The following CLIP4 variants were observed in gnomAD, a reference collection of about 807,000 sequenced individuals.
The protein encoded by CLIP4 is CAP-Gly domain containing linker protein family member 4.
A neutral mutation model predicts 73.1 loss-of-function variants in CLIP4; 47 were observed. That is an observed-to-expected ratio of 0.64 (90% CI 0.51 to 0.82). The LOEUF (loss-of-function observed/expected upper bound fraction) is 0.82. Among genes scored for constraint, CLIP4 ranks in the 40% least tolerant of loss-of-function variants. CLIP4 has a pLI of 0.00. For synonymous variants in CLIP4, 306 were observed against 295.4 expected (o/e 1.04, Z -0.37); for missense variants, 874 against 852.9 (o/e 1.02, Z -0.31).
intron 7 of CLIP4, among the ~76,000 whole-genome samples, chr2:29,144,905 C>G (rs527886213): frequency 3.4e-4 from 50 of 147,836 alleles, no homozygotes; most frequent in African/African-American, 1.2e-3. Flanking sequence ...TGGGCTCAAG[C>G]AACCCTCCTG....
At chr2:29,148,669 A>G (rs561510344) in intron 8 of CLIP4, among the ~76,000 whole-genome samples, 1 of 152,284 alleles carries the variant, frequency 6.6e-6, no homozygotes, top group African/African-American at 2.4e-5. Context: ...TTTGTAACTA[A>G]TATATTTACG....
intron 6 of CLIP4, 132 bp downstream of exon 6, chr2:29,135,798 A>G: frequency 1.7e-6 from 1 of 590,602 alleles, no homozygotes. Flanking sequence ...TTTGTGCCAC[A>G]TGTAAAGAGT....
intron 1 of CLIP4, among the ~76,000 whole-genome samples, chr2:29,118,622 G>T (rs1664038768): frequency 6.6e-6 from 1 of 151,474 alleles, no homozygotes; most frequent in African/African-American, 2.4e-5. Context: ...AGGTTCAAGC[G>T]ATTCTTCTGC....
rs1425551078 is a variant in CLIP4 at position 29,182,029 on chromosome 2, CAG to C, written c.*143_*144del. 3 of 678,190 alleles carry C rather than the reference CAG, an allele frequency of 4.4e-6. No homozygotes were observed. The highest frequency in any genetic ancestry group is 1.8e-5 in the African/African-American group (1 of 54,796). 42.0% of individuals were successfully genotyped at this position (678,190 alleles called of 1,614,324 possible). Reference sequence around the variant, plus strand: ...CTTCTTAAAAACCATTATAACAATTCAGAGAGAGTTCTTTACAAAGCCATGAA... The same window carrying C: ...CTTCTTAAAAACCATTATAACAATTCAGAGAGTTCTTTACAAAGCCATGAA... On this transcript the variant is annotated 3_prime_UTR_variant, in exon 16 of 16. Coordinates refer to ENST00000320081, the MANE Select transcript of CLIP4 (RefSeq NM_024692.6).
intron 6 of CLIP4, among the ~76,000 whole-genome samples, chr2:29,140,940 ACC>A (rs2147983848): frequency 6.6e-6 from 1 of 151,032 alleles, no homozygotes; most frequent in Admixed American, 6.6e-5. Flanking sequence ...GGTTGTTGAG[ACC>A]TCCCTGTCTT....
At chr2:29,172,131 A>G (rs1400430430) in intron 14 of CLIP4, among the ~76,000 whole-genome samples, 1 of 151,764 alleles carries the variant, frequency 6.6e-6, no homozygotes, top group Non-Finnish European at 1.5e-5. Flanking sequence ...ATCTAAAGTT[A>G]ATGATTTTTA....
At position 29,183,365 on chromosome 2, in the gene CLIP4, A is replaced by G. The variant is rs983776193; in HGVS notation, c.*1472A>G. 5 of 152,672 alleles carry G rather than the reference A, an allele frequency of 3.3e-5. No homozygotes were observed. The highest frequency in any genetic ancestry group is 1.2e-4 in the African/African-American group (5 of 41,470). 9.5% of individuals were successfully genotyped at this position (152,672 alleles called of 1,614,324 possible). A position where few individuals can be genotyped will look rare whatever the true frequency, so the allele number is the denominator to read the frequency against. On this transcript the variant is annotated 3_prime_UTR_variant, in exon 16 of 16. Coordinates refer to ENST00000320081, the MANE Select transcript of CLIP4 (RefSeq NM_024692.6). Reference sequence around the variant, plus strand: ...TTTAAAATAGTGTGGTATTTCAAATATTGCTAGAGCTATTTTCCTGAAATA... The same window carrying G: ...TTTAAAATAGTGTGGTATTTCAAATGTTGCTAGAGCTATTTTCCTGAAATA...
intron 9 of CLIP4, among the ~76,000 whole-genome samples, chr2:29,153,294 A>G (rs1572972702): frequency 2.6e-5 from 4 of 152,140 alleles, no homozygotes; most frequent in South Asian, 4.1e-4. Context: ...GAAGAGTTCT[A>G]TGGAAGAGAA....
chr2:29,117,301 A>AT (rs940854695), intron 1 of CLIP4, among the ~76,000 whole-genome samples: 25 of 149,216 alleles, frequency 1.7e-4, no homozygotes, highest in African/African-American at 6.2e-4. Flanking sequence ...AAATTTTAAT[A>AT]TTTTTTTTCT....
Position 29,160,477 on chromosome 2 carries a change from C to T in CLIP4, c.1534+10C>T, listed in dbSNP as rs201757847. The stretch of plus-strand genomic sequence containing the variant: ...ACAAACTTCGCTCCAGGTAACTCAT[C>T]TGCATATTTTCTTAACTTGAATTCT... On this transcript the variant is annotated intron_variant, in intron 12 of 15. Transcript: ENST00000320081. The T allele has an allele frequency of 8.1e-6, 13 of 1,613,156 alleles. No homozygotes were observed. Among genetic ancestry groups the T allele is most frequent in the African/African-American group, 2.7e-5 (2 of 74,858 alleles).
intron 1 of CLIP4, among the ~76,000 whole-genome samples, chr2:29,116,578 TCACGTGGTGCG>T (rs1663861900): frequency 6.6e-6 from 1 of 152,206 alleles, no homozygotes; most frequent in African/African-American, 2.4e-5. Flanking sequence ...CAGCACAGGA[TCACGTGGTGCG>T]GGGCATTGAG....
intron 1 of CLIP4, chr2:29,118,176 A>G (rs1243494029): frequency 6.6e-6 from 1 of 152,194 alleles, no homozygotes; most frequent in Non-Finnish European, 1.5e-5. Context: ...TTGGTCTCCT[A>G]TTAGTTGAAT....
chr2:29,141,989 T>C (rs1468239837), intron 6 of CLIP4, among the ~76,000 whole-genome samples: 2 of 152,218 alleles, frequency 1.3e-5, no homozygotes, highest in Non-Finnish European at 2.9e-5. Context: ...AATCATCTTT[T>C]ATTAACCTTT....
intron 2 of CLIP4, among the ~76,000 whole-genome samples, chr2:29,127,541 C>T (rs1380302078): frequency 6.6e-6 from 1 of 152,038 alleles, no homozygotes; most frequent in Non-Finnish European, 1.5e-5. Flanking sequence ...ATTAAAGAAC[C>T]CGCAATATTT....
intron 1 of CLIP4, among the ~76,000 whole-genome samples, chr2:29,117,584 G>A (rs1165486724): frequency 6.6e-6 from 1 of 152,116 alleles, no homozygotes; most frequent in Non-Finnish European, 1.5e-5. Flanking sequence ...TGCCCATCTC[G>A]GCCTCCCGAA....
chr2:29,101,739 G>C (rs2148431048), intron 1 of CLIP4, among the ~76,000 whole-genome samples: 1 of 152,286 alleles, frequency 6.6e-6, no homozygotes, highest in African/African-American at 2.4e-5. Flanking sequence ...ATCAAAACTT[G>C]ATAAAGGGCT....
chr2:29,148,554 A>G (rs530530437), intron 8 of CLIP4, among the ~76,000 whole-genome samples: 20 of 152,204 alleles, frequency 1.3e-4, no homozygotes, highest in Non-Finnish European at 2.6e-4. Context: ...TTATTACAAA[A>G]CTGTCTCTTA....
intron 9 of CLIP4, among the ~76,000 whole-genome samples, chr2:29,155,532 C>G (rs989871944): frequency 6.6e-6 from 1 of 152,132 alleles, no homozygotes; most frequent in South Asian, 2.1e-4. Flanking sequence ...CAAAACATTA[C>G]CTTTGGAGGA....
upstream of CLIP4, among the ~76,000 whole-genome samples, chr2:29,111,867 C>T (rs1668393280): frequency 6.6e-6 from 1 of 152,184 alleles, no homozygotes; most frequent in African/African-American, 2.4e-5. Flanking sequence ...TCCTAACCCA[C>T]ATTATAGAGA....
Sources: gnomAD v4.1 joint callset for allele counts (sites outside exome capture counted in the v4.1 genomes callset) on GRCh38, gnomAD v4.1.1 for gene constraint, MANE v1.5 for transcripts, NCBI Gene and HGNC (gene_info 2026-07-23, HGNC 2026-07-21) for gene names.